CACNA1B: variants seen among roughly 807,000 people sequenced by gnomAD.
The protein encoded by CACNA1B is calcium voltage-gated channel subunit alpha1 B.
A neutral mutation model predicts 247.2 loss-of-function variants in CACNA1B; 70 were observed. The ratio of observed to expected loss-of-function variants is 0.28; its 90% CI spans 0.23 to 0.35. CACNA1B has a LOEUF of 0.35. Ranked by LOEUF, CACNA1B falls within the 10% of genes least tolerant of loss-of-function variation. CACNA1B has a pLI of 1.00. For missense variants in CACNA1B, 2,367 were observed against 3,197.4 expected (o/e 0.74, Z 6.26); for synonymous variants, 1,231 against 1,294.4 (o/e 0.95, Z 1.05).
intron 43 of CACNA1B, 35 bp from the exon 44 acceptor site, chr9:138,118,617 T>C (rs1042556086): frequency 9.4e-7 from 1 of 1,059,874 alleles, no homozygotes; most frequent in Non-Finnish European, 1.4e-6. Flanking sequence ...CGCGGTGCCT[T>C]GTGTGGTGGG....
rs1207656719 is a variant in CACNA1B at position 137,888,143 on chromosome 9, T to A, written c.530+5260T>A. Among the ~76,000 whole-genome samples the A allele has an allele frequency of 2.0e-5, 3 of 151,574 alleles. No individual in the cohort carries two copies. In the East Asian group the frequency reaches 5.8e-4, roughly 29 times the overall value. On this transcript the variant is annotated intron_variant, in intron 3 of 46. Coordinates refer to ENST00000371372, the MANE Select transcript of CACNA1B (RefSeq NM_000718.4). The surrounding 1 kb of genome is among the most constrained non-coding windows in gnomAD (Gnocchi z 4.7). ...TGGGAGCCGGAAGCAGTGATCCAGGTGGGAGTGGTGAGGGTTTGTACCAGG... is the reference window on the plus strand; with the variant it reads ...TGGGAGCCGGAAGCAGTGATCCAGGAGGGAGTGGTGAGGGTTTGTACCAGG...
At chr9:137,958,322 C>A (rs1957972863) in intron 10 of CACNA1B, among the ~76,000 whole-genome samples, 1 of 152,172 alleles carries the variant, frequency 6.6e-6, no homozygotes, top group Admixed American at 6.5e-5. Flanking sequence ...TCCAATGTAC[C>A]CTTCCCTATT....
chr9:138,077,441 G>A (rs1564275488), intron 35 of CACNA1B, among the ~76,000 whole-genome samples: 1 of 152,066 alleles, frequency 6.6e-6, no homozygotes, highest in African/African-American at 2.4e-5. Context: ...CAGGGAAAGA[G>A]TGGGCAGCAG....
At chr9:138,021,915 G>A (rs936248) in intron 18 of CACNA1B, among the ~76,000 whole-genome samples, 44,316 of 152,142 alleles carry the variant, frequency 0.29, 8,816 homozygotes, top group East Asian at 0.64. Flanking sequence ...GCTCCAGGGC[G>A]GGCCTCTGGC....
chr9:138,056,255 C>T (rs577959023), intron 26 of CACNA1B, among the ~76,000 whole-genome samples: 1 of 152,302 alleles, frequency 6.6e-6, no homozygotes, highest in African/African-American at 2.4e-5. Flanking sequence ...CCCTGTCCCA[C>T]CCCTAGCCAA....
chr9:137,966,724 G>A (rs932339021), intron 10 of CACNA1B, among the ~76,000 whole-genome samples: 7 of 151,414 alleles, frequency 4.6e-5, no homozygotes, highest in Non-Finnish European at 8.8e-5. Context: ...ATTTTTAGTA[G>A]AGAAGGAGTT....
chr9:138,093,233 A>G (rs1960937316), intron 36 of CACNA1B, among the ~76,000 whole-genome samples: 1 of 152,028 alleles, frequency 6.6e-6, no homozygotes, highest in South Asian at 2.1e-4. Flanking sequence ...CAGCTTGGCC[A>G]ACATGGCAAA....
intron 32 of CACNA1B, among the ~76,000 whole-genome samples, chr9:138,070,288 G>A (rs974651567): frequency 6.6e-6 from 1 of 152,172 alleles, no homozygotes; most frequent in Admixed American, 6.5e-5. Context: ...GCAGGGTCAG[G>A]CCTGGGGTTC....
intron 6 of CACNA1B, among the ~76,000 whole-genome samples, chr9:137,949,078 G>GTGT (rs1957836710): frequency 1.4e-5 from 1 of 70,304 alleles, no homozygotes; most frequent in Non-Finnish European, 3.0e-5. Flanking sequence ...TAGTGTGTGT[G>GTGT]GTGTGTGTGT....
At chr9:137,929,191 T>C (rs1957583061) in intron 6 of CACNA1B, among the ~76,000 whole-genome samples, 1 of 152,204 alleles carries the variant, frequency 6.6e-6, no homozygotes. Context: ...CCATTTTATA[T>C]TTATACCAGC....
rs200967702 is a variant in CACNA1B at position 138,099,180 on chromosome 9, GCA to G, written c.5222+2572_5222+2573del. Among the ~76,000 whole-genome samples the G allele has an allele frequency of 2.5e-3, 376 of 152,380 alleles. 3 individuals are homozygous for G. Among genetic ancestry groups the G allele is most frequent in the Middle Eastern group, 0.01 (3 of 294 alleles). ...ACATGGCTGTGTTGTGTGCGTGTTT[GCA>G]CAGTGTGACCACATGTGCACTCTGT... On this transcript the variant is annotated intron_variant, in intron 37 of 46. Transcript: ENST00000371372.
chr9:137,922,882 C>T (rs2133292378), intron 6 of CACNA1B, among the ~76,000 whole-genome samples: 1 of 152,274 alleles, frequency 6.6e-6, no homozygotes, highest in African/African-American at 2.4e-5. Context: ...AGAGCATCTC[C>T]ATCCCTGCAG....
At chr9:137,998,208 A>G (rs527459057) in intron 15 of CACNA1B, among the ~76,000 whole-genome samples, 5 of 152,326 alleles carry the variant, frequency 3.3e-5, no homozygotes, top group Admixed American at 6.5e-5. Flanking sequence ...TAGTGGGTAC[A>G]CAGAGGTTTG....
chr9:138,065,789 C>T (rs1959893716), intron 31 of CACNA1B, among the ~76,000 whole-genome samples: 1 of 152,198 alleles, frequency 6.6e-6, no homozygotes, highest in Non-Finnish European at 1.5e-5. Flanking sequence ...CTTACAGCGC[C>T]CATTCCTGAC....
chr9:137,992,684 T>C (rs1325909906), intron 15 of CACNA1B, among the ~76,000 whole-genome samples: 2 of 151,530 alleles, frequency 1.3e-5, no homozygotes, highest in African/African-American at 4.8e-5. Context: ...GACCATATGA[T>C]AGGCCACAAA....
In CACNA1B at chr9:138,115,686, A is replaced by G. The variant is rs1961830332; in HGVS notation, c.5777+7A>G. 6.2e-7 allele frequency: 1 copy of G among 1,610,976 alleles called. No individual in the cohort carries two copies. The highest frequency in any genetic ancestry group is 8.5e-7 in the Non-Finnish European group (1 of 1,178,296). On this transcript the variant is annotated splice_region_variant and intron_variant, in intron 42 of 46. Transcript: ENST00000371372. ...TCAGCAATGGCGGGGCCATGTGAGT[A>G]TCCAGATGCAGGACATAGCTGGACA...
intron 12 of CACNA1B, among the ~76,000 whole-genome samples, chr9:137,977,701 G>A (rs1473198565): frequency 3.9e-5 from 6 of 152,148 alleles, no homozygotes; most frequent in Non-Finnish European, 8.8e-5. Flanking sequence ...GGGAATGATG[G>A]GTGGGCACGC....
At chr9:138,015,632 T>G (rs543517316) in intron 18 of CACNA1B, among the ~76,000 whole-genome samples, 16 of 152,340 alleles carry the variant, frequency 1.1e-4, no homozygotes, top group Non-Finnish European at 1.6e-4. Flanking sequence ...CTTGGTGCCC[T>G]GGGTGCTGGG....
At position 138,014,848 on chromosome 9, in the gene CACNA1B, GCCAGGTCCCTGGCAGT is replaced by G. The variant is rs147828860; in HGVS notation, c.2267+1615_2267+1630del. 7.5e-3 allele frequency among the ~76,000 whole-genome samples: 1,146 copies of G among 152,140 alleles called. 13 individuals are homozygous for G. The highest frequency in any genetic ancestry group is 0.026 in the African/African-American group (1,082 of 41,492). On this transcript the variant is annotated intron_variant, in intron 18 of 46. Coordinates refer to ENST00000371372, the MANE Select transcript of CACNA1B (RefSeq NM_000718.4). The surrounding 1 kb of genome is among the most constrained non-coding windows in gnomAD (Gnocchi z 6.2). ...GGCCTGAGACCTTGCAGAAGAGGCT[GCCAGGTCCCTGGCAGT>G]CATGGAGCCTGAGTCAGGCTGCCTG... is the stretch of plus-strand genomic sequence containing the variant.
Sources: gnomAD v4.1 joint callset for allele counts (sites outside exome capture counted in the v4.1 genomes callset) on GRCh38, gnomAD v4.1.1 for gene constraint, Gnocchi (gnomAD v3.1) non-coding constraint, MANE v1.5 for transcripts, NCBI Gene and HGNC (gene_info 2026-07-23, HGNC 2026-07-21) for gene names.